AP3B1: variants seen among roughly 807,000 people sequenced by gnomAD.
AP3B1 encodes adaptor related protein complex 3 subunit beta 1, also known as AP-3 complex subunit beta-1.
AP3B1 carries 61 observed loss-of-function variants against 132.5 expected under a neutral mutation model. That is an observed-to-expected ratio of 0.46 (90% confidence interval 0.37 to 0.57). AP3B1 has a LOEUF of 0.57. AP3B1 is among the 20% of genes least tolerant of loss of function. AP3B1 has a pLI of 0.00. For synonymous variants in AP3B1, 388 were observed against 438.3 expected (o/e 0.89, Z 1.43); for missense variants, 1,120 against 1,289.4 (o/e 0.87, Z 2.01).
intron 15 of AP3B1, 70 bp downstream of exon 15, chr5:78,141,073 A>G: frequency 7.0e-7 from 1 of 1,422,706 alleles, no homozygotes; most frequent in Non-Finnish European, 9.9e-7. Context: ...GAAGGCACAG[A>G]CCCCCGCTGT....
intron 24 of AP3B1, among the ~76,000 whole-genome samples, chr5:78,027,891 C>T (rs770062411): frequency 1.1e-3 from 165 of 151,956 alleles, no homozygotes; most frequent in Non-Finnish European, 1.8e-3. Context: ...TTTGGGAGGC[C>T]GAGGCGGGCA....
At chr5:78,024,561 A>ATC (rs1747250523) in intron 24 of AP3B1, among the ~76,000 whole-genome samples, 1 of 113,478 alleles carries the variant, frequency 8.8e-6, no homozygotes, top group Non-Finnish European at 1.8e-5. Flanking sequence ...AGCTAATTTA[A>ATC]TTTTTTTTTT....
In AP3B1 at chr5:78,089,422, G is replaced by A. The variant is rs201936976; in HGVS notation, c.2548C>T (p.His850Tyr). The A allele has an allele frequency of 1.2e-6, 2 of 1,612,722 alleles. No individual in the cohort carries two copies. Among genetic ancestry groups the A allele is most frequent in the African/African-American group, 1.3e-5 (1 of 74,878 alleles). Residue 850 changes from histidine (H) to tyrosine (Y), a missense_variant, in exon 22 of 27, where the codon CAC becomes TAC. By Grantham distance (83) the His-to-Tyr change is moderately conservative. Coordinates refer to ENST00000255194, the MANE Select transcript of AP3B1 (RefSeq NM_003664.5). ...ATGACTGAAGAGGAAGTTGACAAGT[G>A]TAAACCTTCAAGATCAGCCATCAAA... Reference protein sequence around the residue: ...PSLMADLEGLHLSTSSSVISV... With the variant: ...PSLMADLEGLYLSTSSSVISV...
Position 78,177,372 on chromosome 5 carries a change from G to C in AP3B1, c.1007C>G (p.Ser336Cys), listed in dbSNP as rs1337591361. The C allele has an allele frequency of 1.2e-6, 2 of 1,613,842 alleles. No individual in the cohort carries two copies. Among genetic ancestry groups the C allele is most frequent in the African/African-American group, 2.7e-5 (2 of 74,910 alleles). ...ISPKSEAGII[S>C]KSLVRLLRSN... is the part of the protein sequence containing the mutation. ...ACGAAGTAAACGCACTAGTGATTTA[G>C]AAATTATGCCAGCTTCAGATTTTGG... Residue 336 changes from serine (S) to cysteine (C), a missense_variant, in exon 9 of 27, where the codon TCT (serine) becomes TGT (cysteine). Physicochemically the swap from Ser to Cys is moderately radical, Grantham distance 112. Around this residue, in one of 3 missense-constraint regions of AP3B1, gnomAD observed 906 missense variants for 997.1 expected, o/e 0.91. Coordinates refer to ENST00000255194, the MANE Select transcript of AP3B1 (RefSeq NM_003664.5).
intron 2 of AP3B1, among the ~76,000 whole-genome samples, chr5:78,246,813 A>G (rs1285168204): frequency 6.6e-6 from 1 of 151,862 alleles, no homozygotes; most frequent in Non-Finnish European, 1.5e-5. Flanking sequence ...TCTCTACTCA[A>G]TTTCATTGAT....
chr5:78,165,738 A>ATATGTTGG, intron 11 of AP3B1, 66 bp from the exon 12 acceptor site: 1 of 1,069,360 alleles, frequency 9.4e-7, no homozygotes, highest in Non-Finnish European at 1.4e-6. Flanking sequence ...TTAATAGAGT[A>ATATGTTGG]CAGACATTTA....
At chr5:78,292,925 T>C (rs1016003553) in intron 1 of AP3B1, among the ~76,000 whole-genome samples, 1 of 152,072 alleles carries the variant, frequency 6.6e-6, no homozygotes, top group African/African-American at 2.4e-5. Context: ...GTCGCCCACG[T>C]TTGAGTGCTG....
intron 11 of AP3B1, among the ~76,000 whole-genome samples, chr5:78,171,145 T>C (rs1279913369): frequency 6.6e-6 from 1 of 152,212 alleles, no homozygotes; most frequent in Non-Finnish European, 1.5e-5. Flanking sequence ...AGCCTCGTAG[T>C]ATAGTTTGAA....
At chr5:78,028,431 G>C (rs920551421) in intron 24 of AP3B1, among the ~76,000 whole-genome samples, 1 of 150,226 alleles carries the variant, frequency 6.7e-6, no homozygotes, top group African/African-American at 2.5e-5. Context: ...CTGGGCAACA[G>C]AGCGAGACTC....
intron 22 of AP3B1, among the ~76,000 whole-genome samples, chr5:78,055,202 C>T (rs1475594576): frequency 1.3e-5 from 2 of 152,162 alleles, no homozygotes; most frequent in African/African-American, 2.4e-5. Context: ...ATGGCTGTTC[C>T]GGGTCAAGTC....
At chr5:78,044,316 A>G (rs1013559505) in intron 22 of AP3B1, among the ~76,000 whole-genome samples, 8 of 152,244 alleles carry the variant, frequency 5.3e-5, no homozygotes, top group Admixed American at 5.2e-4. Flanking sequence ...GGCTATGATA[A>G]TCAACCTTAA....
chr5:78,110,987 G>C (rs1457024866), intron 19 of AP3B1, among the ~76,000 whole-genome samples: 1 of 151,776 alleles, frequency 6.6e-6, no homozygotes, highest in East Asian at 1.9e-4. Context: ...GGAACTTCTG[G>C]GCTCGAGTAG....
chr5:78,136,960 A>G (rs1409748167), intron 15 of AP3B1, among the ~76,000 whole-genome samples: 1 of 152,162 alleles, frequency 6.6e-6, no homozygotes, highest in East Asian at 1.9e-4. Context: ...AAAATCATGT[A>G]AGTGGCACAA....
intron 14 of AP3B1, among the ~76,000 whole-genome samples, chr5:78,145,558 C>T (rs960570651): frequency 1.1e-4 from 16 of 152,140 alleles, no homozygotes; most frequent in East Asian, 5.8e-4. Context: ...CTGTTGAGAC[C>T]GGTTCTGATC....
Position 78,175,668 on chromosome 5 carries a change from G to C in AP3B1, c.1125C>G (p.Phe375Leu), listed in dbSNP as rs2112401517. 1.2e-6 allele frequency: 2 copies of C among 1,613,426 alleles called. No homozygotes were observed. The highest frequency in any genetic ancestry group is 1.7e-6 in the Non-Finnish European group (2 of 1,179,612). ...TAGTTGGATCAGTTGACCTAACATA[G>C]AAACTCTTCAGATAAGGTTCAAACA... Reference protein sequence around the residue: ...KGMFEPYLKSFYVRSTDPTMI... With the variant: ...KGMFEPYLKSLYVRSTDPTMI... The change falls in exon 11 of 27, where the codon TTC becomes TTG. Residue 375 changes from phenylalanine to leucine, a missense_variant. Phe to Leu is a conservative substitution (Grantham distance 22, BLOSUM62 0). Around this residue, in one of 3 missense-constraint regions of AP3B1, gnomAD observed 906 missense variants for 997.1 expected, o/e 0.91. Transcript: ENST00000255194.
intron 2 of AP3B1, among the ~76,000 whole-genome samples, chr5:78,244,408 C>A (rs149085316): frequency 1.2e-3 from 181 of 151,078 alleles, no homozygotes; most frequent in African/African-American, 4.1e-3. Flanking sequence ...GTTTGAGACT[C>A]CAACTCAAAA....
At chr5:78,228,328 A>C in intron 3 of AP3B1, 89 bp from the exon 4 acceptor site, 2 of 818,850 alleles carry the variant, frequency 2.4e-6, no homozygotes, top group Non-Finnish European at 4.0e-6. Context: ...AATTCTTCTC[A>C]AGTAAATAAC....
chr5:78,294,000 T>G (rs1749643332), intron 1 of AP3B1, among the ~76,000 whole-genome samples: 2 of 152,054 alleles, frequency 1.3e-5, no homozygotes, highest in South Asian at 2.1e-4. Context: ...GCTCCTACAC[T>G]CCGGGGTCAC....
intron 2 of AP3B1, among the ~76,000 whole-genome samples, chr5:78,253,957 C>CAA (rs35713067): frequency 7.5e-5 from 7 of 93,902 alleles, no homozygotes; most frequent in African/African-American, 1.8e-4. Flanking sequence ...GACTCCACCT[C>CAA]AAAAAAAAAA....
Sources: allele counts gnomAD v4.1 joint callset (sites outside exome capture counted in the v4.1 genomes callset), GRCh38; gene constraint gnomAD v4.1.1; regional missense constraint gnomAD v4.1.1; transcripts MANE v1.5; gene names NCBI Gene and HGNC (gene_info 2026-07-23, HGNC 2026-07-21).